The following MTMR9 variants were observed in gnomAD, a reference collection of about 807,000 sequenced individuals.
MTMR9 encodes myotubularin-related protein 9.
In MTMR9, 39 loss-of-function variants were observed where a neutral mutation model predicts 69.5. That is an observed-to-expected ratio of 0.56 (90% CI 0.43 to 0.73). The LOEUF (loss-of-function observed/expected upper bound fraction) is 0.73, where lower values mean the gene tolerates loss of function less well. Ranked by LOEUF, MTMR9 falls within the 30% of genes least tolerant of loss-of-function variation. MTMR9 has a pLI of 0.00. For synonymous variants in MTMR9, 354 were observed against 240.8 expected (o/e 1.47, Z -4.35); for missense variants, 900 against 671.2 (o/e 1.34, Z -3.77).
In MTMR9 at chr8:11,318,580, T is replaced by G. The variant is rs1800524823; in HGVS notation, c.1335-1107T>G. 2.0e-5 allele frequency: 3 copies of G among 152,230 alleles called. No homozygotes were observed. The South Asian group carries it at 6.2e-4, about 32-fold the overall frequency. The allele number at this position is 152,230 out of a possible 1,614,324, so 9.4% of individuals were successfully genotyped here. On this transcript the variant is annotated intron_variant, in intron 8 of 9. Transcript: ENST00000221086. ...GAATGTATTATCTTTTTGGTTGATG[T>G]AAGGTTTACCACAGACTGTCTTTCA...
chr8:11,330,639 G>T (rs531591975), downstream of MTMR9, among the ~76,000 whole-genome samples: 6 of 152,122 alleles, frequency 3.9e-5, no homozygotes, highest in African/African-American at 1.4e-4. Flanking sequence ...GCTCTCTGGG[G>T]CATGTGCTGT....
chr8:11,298,507 G>C (rs1473930390), intron 2 of MTMR9, among the ~76,000 whole-genome samples: 1 of 152,112 alleles, frequency 6.6e-6, no homozygotes, highest in Non-Finnish European at 1.5e-5. Context: ...TTTGGATGGA[G>C]ATGTTTTTGC....
Position 11,285,062 on chromosome 8 carries a change from C to T in MTMR9, c.174C>T (p.Ile58=), listed in dbSNP as rs770710726. The T allele has an allele frequency of 1.9e-6, 3 of 1,604,678 alleles. No individual in the cohort carries two copies. The highest frequency in any genetic ancestry group is 1.1e-5 in the South Asian group (1 of 90,080). The change falls in exon 1 of 10, where the codon ATC becomes ATT. Residue 58 remains isoleucine, a synonymous_variant. Transcript: ENST00000221086. ...LWLLHSNIDA[I]DKRFVGSLGT... ...TCCTCCATTCAAACATCGACGCCAT[C>T]GACAAGCGGTGAGTGCCCGCCCCAC...
At position 11,316,731 on chromosome 8, in the gene MTMR9, A is replaced by G; in HGVS notation, c.1172A>G (p.Lys391Arg). 1 of 1,613,770 alleles carries G rather than the reference A, an allele frequency of 6.2e-7. No individual in the cohort carries two copies. Among genetic ancestry groups the G allele is most frequent in the Non-Finnish European group, 8.5e-7 (1 of 1,179,896 alleles). Reference protein sequence around the residue: ...AQSAYCNTKQKWEAPVFLLFL... With the variant: ...AQSAYCNTKQRWEAPVFLLFL... ...TCAGCCTACTGTAACACCAAGCAGA[A>G]GTGGGAGGCTCCTGTATTTCTTCTC... Residue 391 changes from lysine (K) to arginine (R), a missense_variant, in exon 8 of 10, where the codon AAG becomes AGG. Physicochemically the swap from Lys to Arg is conservative, Grantham distance 26. Coordinates refer to ENST00000221086, the MANE Select transcript of MTMR9 (RefSeq NM_015458.4).
At chr8:11,286,018 T>C (rs752452437) in intron 1 of MTMR9, among the ~76,000 whole-genome samples, 1 of 140,694 alleles carries the variant, frequency 7.1e-6, no homozygotes, top group Non-Finnish European at 1.5e-5. Flanking sequence ...CGGTGGCCAA[T>C]CTCGGCTCAC....
intron 6 of MTMR9, among the ~76,000 whole-genome samples, chr8:11,312,120 C>T (rs921246893): frequency 7.2e-5 from 11 of 151,810 alleles, no homozygotes; most frequent in Non-Finnish European, 4.4e-5. Flanking sequence ...TCACGGCGCA[C>T]CGCAGCCTAG....
intron 2 of MTMR9, chr8:11,297,858 A>T (rs1415929386): frequency 2.2e-6 from 1 of 456,134 alleles, no homozygotes; most frequent in Non-Finnish European, 4.4e-6. Flanking sequence ...CAGCGTAGTG[A>T]TTAACATAGT....
chr8:11,321,337 C>A (rs188965789), intron 9 of MTMR9: 2 of 449,484 alleles, frequency 4.4e-6, no homozygotes, highest in Non-Finnish European at 9.0e-6. Flanking sequence ...ATCTCTTAAA[C>A]GAGAGGTTAC....
chr8:11,298,447 A>G (rs1270685937), intron 2 of MTMR9, among the ~76,000 whole-genome samples: 1 of 152,042 alleles, frequency 6.6e-6, no homozygotes, highest in Non-Finnish European at 1.5e-5. Context: ...ATTTTGTTTT[A>G]TGAGGTAGGA....
downstream of MTMR9, chr8:11,331,014 AC>A (rs1801196575): frequency 6.7e-7 from 1 of 1,501,404 alleles, no homozygotes; most frequent in African/African-American, 1.4e-5. Context: ...CCAGGGAAGA[AC>A]CCCACCCGCA....
intron 1 of MTMR9, 187 bp from the exon 2 acceptor site, chr8:11,295,007 A>G (rs570362682): frequency 1.5e-4 from 61 of 399,868 alleles, no homozygotes; most frequent in African/African-American, 1.3e-3. Flanking sequence ...TTTAAAAAAG[A>G]CATATATTGT....
downstream of MTMR9, among the ~76,000 whole-genome samples, chr8:11,329,462 C>T (rs1442456409): frequency 2.6e-5 from 4 of 152,246 alleles, no homozygotes; most frequent in South Asian, 2.1e-4. Context: ...TGCAGGCTCG[C>T]GCCGCCACGC....
rs1233213808 is a variant in MTMR9 at position 11,325,606 on chromosome 8, T to C, written c.*2818T>C. 6.6e-6 allele frequency: 1 copy of C among 151,706 alleles called. No individual in the cohort carries two copies. Among genetic ancestry groups the C allele is most frequent in the Non-Finnish European group, 1.5e-5 (1 of 67,948 alleles). The allele number at this position is 151,706 out of a possible 1,614,324, so 9.4% of individuals were successfully genotyped here. A position where few individuals can be genotyped will look rare whatever the true frequency, so the allele number is the denominator to read the frequency against. ...AATAATATTTTTAAAATACAAAGGA[T>C]CACCACAATCCTCTATTGAACATAT... is the stretch of plus-strand genomic sequence containing the variant. On this transcript the variant is annotated 3_prime_UTR_variant, in exon 10 of 10. Coordinates refer to ENST00000221086, the MANE Select transcript of MTMR9 (RefSeq NM_015458.4).
chr8:11,322,628 T>C lies in MTMR9; in HGVS notation c.1490T>C (p.Ile497Thr). Residue 497 changes from isoleucine (I) to threonine (T), a missense_variant, in exon 10 of 10, where the codon ATT (isoleucine) becomes ACT (threonine). By Grantham distance (89) the Ile-to-Thr change is moderately conservative (BLOSUM62 -1). Coordinates refer to ENST00000221086, the MANE Select transcript of MTMR9 (RefSeq NM_015458.4). ...APQSLPLWEG[I>T]FLRWNRSSKY... is the part of the protein sequence containing the mutation. ...TTTCCATTCCTGGATTCAATAGGTA[T>C]TTTCCTACGTTGGAATAGATCCTCT... The C allele has an allele frequency of 6.2e-7, 1 of 1,613,178 alleles. No individual in the cohort carries two copies. The highest frequency in any genetic ancestry group is 1.7e-5 in the Admixed American group (1 of 59,978).
At chr8:11,332,741 A>G (rs1052417567), downstream of MTMR9, among the ~76,000 whole-genome samples, 41 of 152,248 alleles carry the variant, frequency 2.7e-4, no homozygotes, top group Non-Finnish European at 5.6e-4. Context: ...AGCTGAGATT[A>G]CAGGTGCATG....
intron 5 of MTMR9, among the ~76,000 whole-genome samples, chr8:11,307,405 T>A (rs946861434): frequency 1.1e-4 from 17 of 152,332 alleles, no homozygotes; most frequent in African/African-American, 4.1e-4. Flanking sequence ...AGTATTTTAT[T>A]GTGTATTGTA....
chr8:11,309,659 T>C lies in MTMR9; in HGVS notation c.942T>C (p.Thr314=). The change falls in exon 6 of 10, where the codon ACT becomes ACC. Residue 314 remains threonine (T), a synonymous_variant. Coordinates refer to ENST00000221086, the MANE Select transcript of MTMR9 (RefSeq NM_015458.4). ...CTCACATCAAAGAGATTCTGACAACTGCCTGCCTAGCGGCTCAGTGCATCG... is the reference window on the plus strand; with the variant it reads ...CTCACATCAAAGAGATTCTGACAACCGCCTGCCTAGCGGCTCAGTGCATCG... The part of the protein sequence containing the change: ...WLTHIKEILT[T]ACLAAQCIDR... 1 of 1,613,954 alleles carries C rather than the reference T, an allele frequency of 6.2e-7. No homozygotes were observed. The highest frequency in any genetic ancestry group is 8.5e-7 in the Non-Finnish European group (1 of 1,179,884).
At chr8:11,311,304 A>C (rs112835095) in intron 6 of MTMR9, among the ~76,000 whole-genome samples, 1 of 152,222 alleles carries the variant, frequency 6.6e-6, no homozygotes, top group Admixed American at 6.5e-5. Context: ...ATCATCTACA[A>C]TGTAACAAAA....
In MTMR9 at chr8:11,284,837, A is replaced by C. The variant is rs1399618358; in HGVS notation, c.-52A>C. On this transcript the variant is annotated 5_prime_UTR_variant, in exon 1 of 10. Transcript: ENST00000221086. Reference sequence around the variant, plus strand: ...TTCCGCTACTTCCCTGCGGCGGGGTAACCGCCTCGCACCTACCGGGCTCGG... The same window carrying C: ...TTCCGCTACTTCCCTGCGGCGGGGTCACCGCCTCGCACCTACCGGGCTCGG... 6.7e-7 allele frequency: 1 copy of C among 1,482,572 alleles called. No homozygotes were observed. The highest frequency in any genetic ancestry group is 2.1e-5 in the Admixed American group (1 of 47,786). 91.8% of individuals were successfully genotyped at this position (1,482,572 alleles called of 1,614,324 possible).
Sources: gnomAD v4.1 joint callset for allele counts (sites outside exome capture counted in the v4.1 genomes callset) on GRCh38, gnomAD v4.1.1 for gene constraint, MANE v1.5 for transcripts, NCBI Gene and HGNC (gene_info 2026-07-23, HGNC 2026-07-21) for gene names.